APLF: variants seen among roughly 807,000 people sequenced by gnomAD.
APLF encodes aprataxin and PNK-like factor.
In APLF, 61 loss-of-function variants were observed where a neutral mutation model predicts 55.6. The observed-to-expected ratio is 1.10, with a 90% CI of 0.89 to 1.36. The LOEUF (loss-of-function observed/expected upper bound fraction) is 1.36, where lower values mean the gene tolerates loss of function less well. APLF is among the 40% of genes most tolerant of loss of function. APLF has a pLI of 0.00. For synonymous variants in APLF, 207 were observed against 214.8 expected (o/e 0.96, Z 0.32); for missense variants, 611 against 602.5 (o/e 1.01, Z -0.15).
intron 2 of APLF, among the ~76,000 whole-genome samples, chr2:68,496,371 C>T (rs1240975185): frequency 6.6e-6 from 1 of 152,162 alleles, no homozygotes; most frequent in African/African-American, 2.4e-5. Flanking sequence ...TCCCAAAGTA[C>T]TGGGATTACA....
rs773469147 is a variant in APLF at position 68,538,054 on chromosome 2, G to A, written c.987G>A (p.Ser329=). 3.1e-6 allele frequency: 5 copies of A among 1,613,964 alleles called. No homozygotes were observed. Among genetic ancestry groups the A allele is most frequent in the East Asian group, 2.2e-5 (1 of 44,890 alleles). Residue 329 remains serine, a synonymous_variant, in exon 7 of 10, where the codon TCG becomes TCA. Transcript: ENST00000303795. Reference sequence around the variant, plus strand: ...CAATGAGCTGTTCTGAAAATTGTTCGAGTGCCCAGGGCGACTCACTTCAGG... The same window carrying A: ...CAATGAGCTGTTCTGAAAATTGTTCAAGTGCCCAGGGCGACTCACTTCAGG... The part of the protein sequence containing the change: ...DEAMSCSENC[S]SAQGDSLQDE...
chr2:68,567,011 A>G lies in APLF; in HGVS notation c.1287-330A>G, dbSNP rs576155089. Among the ~76,000 whole-genome samples the G allele has an allele frequency of 2.8e-3, 431 of 152,150 alleles. 1 individual carries two copies. The highest frequency in any genetic ancestry group is 4.7e-3 in the Non-Finnish European group (317 of 67,960). ...TATTTGTGTCATAGTTTTGGATTCT[A>G]TTTTATATTTGCATATATGTGATAC... On this transcript the variant is annotated intron_variant, in intron 8 of 9. Transcript: ENST00000303795.
chr2:68,471,212 G>T (rs978387658), intron 1 of APLF, among the ~76,000 whole-genome samples: 1 of 152,126 alleles, frequency 6.6e-6, no homozygotes, highest in African/African-American at 2.4e-5. Context: ...ATGAAAAAGG[G>T]TTATCATTGA....
intron 1 of APLF, among the ~76,000 whole-genome samples, chr2:68,484,573 T>C (rs1676067647): frequency 6.6e-6 from 1 of 151,464 alleles, no homozygotes; most frequent in Non-Finnish European, 1.5e-5. Context: ...ATGCCTGTAA[T>C]CCCAGCTACC....
At chr2:68,493,711 C>T (rs1427312880) in intron 2 of APLF, among the ~76,000 whole-genome samples, 1 of 152,168 alleles carries the variant, frequency 6.6e-6, no homozygotes, top group Non-Finnish European at 1.5e-5. Flanking sequence ...CACCTGTAAT[C>T]CCAACAATTT....
At position 68,529,471 on chromosome 2, in the gene APLF, CG is replaced by C; in HGVS notation, c.804+3230del. On this transcript the variant is annotated intron_variant, in intron 6 of 9. Transcript: ENST00000303795. The surrounding 1 kb of genome is among the most constrained non-coding windows in gnomAD (Gnocchi z 4.4). ...CGCTTAGTGAGTTGTCCATTTTGAG[CG>C]AGTTGTGCACAGACGAAACTAAGGG... 3 of 1,114,954 alleles carry C rather than the reference CG, an allele frequency of 2.7e-6. No homozygotes were observed. Among genetic ancestry groups the C allele is most frequent in the Non-Finnish European group, 3.3e-6 (3 of 910,396 alleles). The allele number at this position is 1,114,954 out of a possible 1,614,324, so 69.1% of individuals were successfully genotyped here. A position where few individuals can be genotyped will look rare whatever the true frequency, so the allele number is the denominator to read the frequency against.
intron 5 of APLF, among the ~76,000 whole-genome samples, chr2:68,523,627 T>G (rs1044275169): frequency 1.3e-5 from 2 of 151,950 alleles, no homozygotes; most frequent in African/African-American, 4.8e-5. Flanking sequence ...ATGATACATA[T>G]ATATATATAA....
At chr2:68,513,956 T>G (rs1363786544) in intron 5 of APLF, among the ~76,000 whole-genome samples, 1 of 151,804 alleles carries the variant, frequency 6.6e-6, no homozygotes, top group Non-Finnish European at 1.5e-5. Context: ...ACAAACCTCT[T>G]GGTGCTATGT....
intron 8 of APLF, among the ~76,000 whole-genome samples, chr2:68,550,913 A>G (rs1670842384): frequency 6.6e-6 from 1 of 152,192 alleles, no homozygotes. Flanking sequence ...AAGCATCAAC[A>G]TTCCCTTTAT....
intron 5 of APLF, among the ~76,000 whole-genome samples, chr2:68,525,517 C>T (rs1401990419): frequency 6.6e-6 from 1 of 151,792 alleles, no homozygotes; most frequent in Non-Finnish European, 1.5e-5. Flanking sequence ...ATTATAATTC[C>T]CATTATCCAG....
intron 8 of APLF, chr2:68,563,060 G>A: frequency 1.0e-6 from 1 of 985,178 alleles, no homozygotes; most frequent in Non-Finnish European, 1.2e-6. Context: ...GAAATAGCTG[G>A]CAAAGTTTTA....
intron 3 of APLF, among the ~76,000 whole-genome samples, chr2:68,504,141 T>A (rs1213783204): frequency 6.6e-6 from 1 of 151,974 alleles, no homozygotes; most frequent in East Asian, 1.9e-4. Context: ...AAAATAGAAA[T>A]CTGATGAATT....
At chr2:68,569,428 A>G (rs1172184293) in intron 9 of APLF, among the ~76,000 whole-genome samples, 2 of 152,138 alleles carry the variant, frequency 1.3e-5, no homozygotes, top group African/African-American at 4.8e-5. Context: ...AAAGTGAGAA[A>G]TAGATCAATC....
At position 68,468,991 on chromosome 2, in the gene APLF, T is replaced by G. The variant is rs553976312; in HGVS notation, c.96+1164T>G. On this transcript the variant is annotated intron_variant, in intron 1 of 9. Transcript: ENST00000303795. The stretch of plus-strand genomic sequence containing the variant: ...ATTATGGAAGCTGGTCCTAAAGGGG[T>G]GTGTGTGTGTGTGTGTGTGTGTGTG... 9.1e-3 allele frequency among the ~76,000 whole-genome samples: 1,114 copies of G among 122,880 alleles called. 9 individuals carry two copies. The highest frequency in any genetic ancestry group is 0.034 in the African/African-American group (1,028 of 30,348). The allele number at this position is 122,880 out of a possible 152,430, so 80.6% of individuals were successfully genotyped here.
At position 68,574,596 on chromosome 2, in the gene APLF, T is replaced by G. The variant is rs190501204; in HGVS notation, c.1334-3224T>G. Reference sequence around the variant, plus strand: ...CGTTGAATTCTGTTACAGATGGTTTTGTTAGATTCTGGACTTCCTGTAAGA... The same window carrying G: ...CGTTGAATTCTGTTACAGATGGTTTGGTTAGATTCTGGACTTCCTGTAAGA... On this transcript the variant is annotated intron_variant, in intron 9 of 9. Coordinates refer to ENST00000303795, the MANE Select transcript of APLF (RefSeq NM_173545.3). 1.6e-4 allele frequency among the ~76,000 whole-genome samples: 24 copies of G among 152,326 alleles called. No homozygotes were observed. In the East Asian group the frequency reaches 4.0e-3, roughly 26 times the overall value.
chr2:68,529,271 G>A lies in APLF; in HGVS notation c.804+3029G>A, dbSNP rs1005749547. 3 of 1,332,224 alleles carry A rather than the reference G, an allele frequency of 2.3e-6. No individual in the cohort carries two copies. The African/African-American group carries it at 4.4e-5, about 20-fold the overall frequency. The allele number at this position is 1,332,224 out of a possible 1,614,324, so 82.5% of individuals were successfully genotyped here. On this transcript the variant is annotated intron_variant, in intron 6 of 9. Transcript: ENST00000303795. This position sits in a 1 kb window ranked among gnomAD's most constrained non-coding sequence, Gnocchi z 4.4. Reference sequence around the variant, plus strand: ...GCCGTCCCACCTGCCTGGAAAAGAAGGCCCAAGATGTCGCTGACGGTTGAA... The same window carrying A: ...GCCGTCCCACCTGCCTGGAAAAGAAAGCCCAAGATGTCGCTGACGGTTGAA...
chr2:68,474,290 T>C (rs1432040256), intron 1 of APLF, among the ~76,000 whole-genome samples: 2 of 152,238 alleles, frequency 1.3e-5, no homozygotes, highest in Non-Finnish European at 2.9e-5. Flanking sequence ...CATTGGGCAT[T>C]AGTGATCAGC....
chr2:68,488,964 A>C (rs1267253737), intron 1 of APLF, among the ~76,000 whole-genome samples: 1 of 152,066 alleles, frequency 6.6e-6, no homozygotes, highest in African/African-American at 2.4e-5. Flanking sequence ...CTAAAACTTA[A>C]AGTATAATAA....
At chr2:68,527,801 C>T (rs1241165949) in intron 6 of APLF, among the ~76,000 whole-genome samples, 19 of 149,998 alleles carry the variant, frequency 1.3e-4, no homozygotes, top group African/African-American at 4.7e-4. Flanking sequence ...CAGAGGCGCT[C>T]CTCACTGCCC....
Sources: allele counts gnomAD v4.1 joint callset (sites outside exome capture counted in the v4.1 genomes callset), GRCh38; gene constraint gnomAD v4.1.1; non-coding constraint Gnocchi (gnomAD v3.1); transcripts MANE v1.5; gene names NCBI Gene and HGNC (gene_info 2026-07-23, HGNC 2026-07-21).